Variants in KCNG2 observed in about 807,000 individuals in gnomAD.
KCNG2 encodes the protein potassium voltage-gated channel modifier subfamily G member 2.
A neutral mutation model predicts 12.3 loss-of-function variants in KCNG2; 7 were observed. The observed-to-expected ratio is 0.57, with a 90% CI of 0.32 to 1.07. KCNG2 has a LOEUF of 1.07. KCNG2 is among the 50% of genes least tolerant of loss of function. The pLI is 0.04. For synonymous variants in KCNG2, 414 were observed against 351.4 expected (o/e 1.18, Z -1.99); for missense variants, 703 against 726.0 (o/e 0.97, Z 0.36).
intron 1 of KCNG2, among the ~76,000 whole-genome samples, chr18:79,826,623 C>T (rs1978286298): frequency 6.7e-6 from 1 of 148,540 alleles, no homozygotes; most frequent in African/African-American, 2.5e-5. Flanking sequence ...GTGAGCAGCT[C>T]CTCACGGAAG....
intron 1 of KCNG2, among the ~76,000 whole-genome samples, chr18:79,817,375 T>C (rs2087537668): frequency 6.6e-6 from 1 of 152,130 alleles, no homozygotes; most frequent in African/African-American, 2.4e-5. Context: ...ACAGTTGTCA[T>C]GCCTGGCTGT....
intron 3 of KCNG2, among the ~76,000 whole-genome samples, chr18:79,897,137 T>G (rs1981006515): frequency 6.6e-6 from 1 of 152,230 alleles, no homozygotes; most frequent in Non-Finnish European, 1.5e-5. Context: ...ATTGTTTTTT[T>G]TTTCAGCATT....
intron 3 of KCNG2, among the ~76,000 whole-genome samples, chr18:79,890,976 T>A (rs1439122613): frequency 1.3e-5 from 2 of 152,206 alleles, no homozygotes; most frequent in Non-Finnish European, 2.9e-5. Context: ...AGCTAAAGAT[T>A]TGTTGATTTT....
intron 3 of KCNG2, among the ~76,000 whole-genome samples, chr18:79,882,718 T>C (rs1980347075): frequency 6.6e-6 from 1 of 150,380 alleles, no homozygotes; most frequent in Admixed American, 6.6e-5. Flanking sequence ...CTGCAGGCCA[T>C]GGAGTGGCGA....
At chr18:79,842,566 A>C (rs1256236967) in intron 1 of KCNG2, among the ~76,000 whole-genome samples, 1 of 152,222 alleles carries the variant, frequency 6.6e-6, no homozygotes, top group Non-Finnish European at 1.5e-5. Flanking sequence ...AATAATCTTA[A>C]AGAAGCTCAG....
intron 1 of KCNG2, among the ~76,000 whole-genome samples, chr18:79,843,918 A>G (rs1978541761): frequency 6.6e-6 from 1 of 152,332 alleles, no homozygotes; most frequent in Admixed American, 6.5e-5. Context: ...AAATTCTCCA[A>G]TCAAAAGACA....
At chr18:79,826,265 T>C (rs1316948065) in intron 1 of KCNG2, among the ~76,000 whole-genome samples, 1 of 152,184 alleles carries the variant, frequency 6.6e-6, no homozygotes, top group Non-Finnish European at 1.5e-5. Context: ...GGAAGGTGGG[T>C]CCTGCTCCCT....
rs982488403 is a variant in KCNG2 at position 79,899,701 on chromosome 18, TGCAGGAGGACAGCAC to T, written c.1290_1304del (p.Gln430_Thr434del). ...CGCGCGGCCAGCCCCGAGCCGGCCC[TGCAGGAGGACAGCAC>T]GCACTCGGCCACAGCCACCGAGGAC... On this transcript the variant is annotated inframe_deletion, in exon 4 of 4. Coordinates refer to ENST00000316249, the MANE Select transcript of KCNG2 (RefSeq NM_012283.2). 3 of 1,607,110 alleles carry T rather than the reference TGCAGGAGGACAGCAC, an allele frequency of 1.9e-6. No homozygotes were observed. The highest frequency in any genetic ancestry group is 2.5e-6 in the Non-Finnish European group (3 of 1,178,138).
At chr18:79,890,019 G>A (rs1344816358) in intron 3 of KCNG2, among the ~76,000 whole-genome samples, 3 of 152,194 alleles carry the variant, frequency 2.0e-5, no homozygotes, top group Non-Finnish European at 4.4e-5. Flanking sequence ...GATGTATCAC[G>A]TTAAGTGATT....
intron 1 of KCNG2, among the ~76,000 whole-genome samples, chr18:79,832,875 AGCCCCT>A (rs1978303883): frequency 6.6e-6 from 1 of 152,182 alleles, no homozygotes; most frequent in African/African-American, 2.4e-5. Context: ...CTGCTCCTTA[AGCCCCT>A]GGCACCTTAA....
intron 3 of KCNG2, among the ~76,000 whole-genome samples, chr18:79,889,356 G>A (rs1980665942): frequency 6.6e-6 from 1 of 152,212 alleles, no homozygotes; most frequent in South Asian, 2.1e-4. Context: ...TCCTTTGTGT[G>A]TGGACATCCA....
At chr18:79,859,746 TCTTGACGAC>T (rs1568259083) in intron 2 of KCNG2, among the ~76,000 whole-genome samples, 1 of 152,238 alleles carries the variant, frequency 6.6e-6, no homozygotes, top group Non-Finnish European at 1.5e-5. Flanking sequence ...CATTGAATAG[TCTTGACGAC>T]CTTGTCAAAA....
intron 1 of KCNG2, among the ~76,000 whole-genome samples, chr18:79,806,914 T>C (rs979794746): frequency 6.6e-6 from 1 of 152,220 alleles, no homozygotes; most frequent in Non-Finnish European, 1.5e-5. Flanking sequence ...AATGCATACA[T>C]GGAATTTTCT....
At chr18:79,866,822 AG>A (rs1979595748) in intron 3 of KCNG2, among the ~76,000 whole-genome samples, 1 of 116,338 alleles carries the variant, frequency 8.6e-6, no homozygotes, top group South Asian at 3.1e-4. Context: ...CTGTGTGCTG[AG>A]AGGTCTGTGT....
At chr18:79,809,461 GGCCGCGCT>G in intron 1 of KCNG2, among the ~76,000 whole-genome samples, 1 of 143,902 alleles carries the variant, frequency 6.9e-6, no homozygotes, top group Admixed American at 6.9e-5. Flanking sequence ...GAGCTGCCGG[GGCCGCGCT>G]GACCACACTC....
intron 3 of KCNG2, among the ~76,000 whole-genome samples, chr18:79,869,880 G>A (rs1477240256): frequency 1.3e-5 from 2 of 152,198 alleles, no homozygotes; most frequent in South Asian, 2.1e-4. Flanking sequence ...CTCAGCCGCC[G>A]CCACCACCAC....
At chr18:79,824,082 A>G (rs193037171) in intron 1 of KCNG2, among the ~76,000 whole-genome samples, 1 of 152,316 alleles carries the variant, frequency 6.6e-6, no homozygotes, top group African/African-American at 2.4e-5. Context: ...GGCTCACTGC[A>G]GCCTCCGCCC....
intron 1 of KCNG2, among the ~76,000 whole-genome samples, chr18:79,851,620 GTGTGTGTA>G (rs1362103489): frequency 1.3e-5 from 1 of 76,376 alleles, no homozygotes; most frequent in Non-Finnish European, 3.5e-5. Flanking sequence ...GTGTGAGAGT[GTGTGTGTA>G]TGTGCGGTGT....
intron 1 of KCNG2, among the ~76,000 whole-genome samples, chr18:79,812,719 G>A (rs2087500777): frequency 6.6e-6 from 1 of 152,162 alleles, no homozygotes; most frequent in African/African-American, 2.4e-5. Flanking sequence ...AAATTAGCCA[G>A]GCGTGGTGGT....
Sources: allele counts gnomAD v4.1 joint callset (sites outside exome capture counted in the v4.1 genomes callset), GRCh38; gene constraint gnomAD v4.1.1; transcripts MANE v1.5; gene names NCBI Gene and HGNC (gene_info 2026-07-23, HGNC 2026-07-21).